Variants in MYRIP observed in about 807,000 individuals in gnomAD.
MYRIP encodes myosin VIIA and Rab interacting protein.
In MYRIP, 49 loss-of-function variants were observed where a neutral mutation model predicts 98.0. That is an observed-to-expected ratio of 0.50 (90% CI 0.40 to 0.63). MYRIP has a LOEUF of 0.63. Among genes scored for constraint, MYRIP ranks in the 30% least tolerant of loss-of-function variants. The probability of loss-of-function intolerance (pLI) is 0.00; values close to 1 mark genes in which losing one functional copy is unlikely to be tolerated. For missense variants in MYRIP, 1,004 were observed against 1,058.2 expected, an observed-to-expected ratio of 0.95 and a Z score of 0.71; for synonymous variants, 404 against 409.5, an observed-to-expected ratio of 0.99 and a Z score of 0.16.
chr3:40,049,006 T>G (rs1242366660), intron 3 of MYRIP, among the ~76,000 whole-genome samples: 1 of 152,188 alleles, frequency 6.6e-6, no homozygotes. Flanking sequence ...TAAGGTCTTC[T>G]TCAGGAAGCA....
intron 11 of MYRIP, among the ~76,000 whole-genome samples, chr3:40,231,824 C>T (rs1403116497): frequency 3.3e-5 from 5 of 152,170 alleles, no homozygotes; most frequent in Non-Finnish European, 7.4e-5. Context: ...TCTGCAAAGG[C>T]ACTGTGTCTA....
At position 39,869,361 on chromosome 3, in the gene MYRIP, T is replaced by A. The variant is rs529076982; in HGVS notation, c.-30-31426T>A. 1.5e-3 allele frequency among the ~76,000 whole-genome samples: 227 copies of A among 152,340 alleles called. 1 individual carries two copies. Among genetic ancestry groups the A allele is most frequent in the East Asian group, 1.3e-3 (7 of 5,186 alleles). On this transcript the variant is annotated intron_variant, in intron 1 of 16. Coordinates refer to ENST00000302541, the MANE Select transcript of MYRIP (RefSeq NM_015460.4). ...TGTTGAGCCCTTCTAGTGATTTTTT[T>A]AAAATTAGTTGTTGCACTTTTCAAC...
chr3:40,158,866 CT>C (rs1950309028), intron 4 of MYRIP, among the ~76,000 whole-genome samples: 4 of 150,680 alleles, frequency 2.7e-5, no homozygotes. Context: ...TTCCTCCATC[CT>C]TTTATTTTGA....
chr3:40,146,473 TA>T (rs1161366804), intron 3 of MYRIP, among the ~76,000 whole-genome samples: 1 of 152,146 alleles, frequency 6.6e-6, no homozygotes, highest in Non-Finnish European at 1.5e-5. Context: ...AGTAACAATT[TA>T]AAAGGGGCAC....
chr3:40,095,336 T>A (rs1433439029), intron 3 of MYRIP, among the ~76,000 whole-genome samples: 1 of 151,966 alleles, frequency 6.6e-6, no homozygotes, highest in Non-Finnish European at 1.5e-5. Context: ...AGAGGGTGAG[T>A]CCGCTTCTAG....
At chr3:40,216,911 A>G (rs1952138137) in intron 11 of MYRIP, among the ~76,000 whole-genome samples, 1 of 152,218 alleles carries the variant, frequency 6.6e-6, no homozygotes, top group South Asian at 2.1e-4. Flanking sequence ...GCTTTTACAT[A>G]AATGTGTATT....
In MYRIP at chr3:40,251,863, C is replaced by A; in HGVS notation, c.2429-18C>A. 6.5e-7 allele frequency: 1 copy of A among 1,528,818 alleles called. No homozygotes were observed. Among genetic ancestry groups the A allele is most frequent in the Non-Finnish European group, 9.1e-7 (1 of 1,103,848 alleles). 94.7% of individuals were successfully genotyped at this position (1,528,818 alleles called of 1,614,324 possible). A position where few individuals can be genotyped will look rare whatever the true frequency, so the allele number is the denominator to read the frequency against. On this transcript the variant is annotated intron_variant, in intron 15 of 16. Coordinates refer to ENST00000302541, the MANE Select transcript of MYRIP (RefSeq NM_015460.4). The stretch of plus-strand genomic sequence containing the variant: ...TCCATCTTCTGGGTAACATTTTTTC[C>A]CATTTATTTCCTTTTAGCTGAAAAA...
intron 3 of MYRIP, among the ~76,000 whole-genome samples, chr3:40,085,282 C>T (rs1400742510): frequency 6.6e-6 from 1 of 151,934 alleles, no homozygotes; most frequent in Non-Finnish European, 1.5e-5. Context: ...CACACACATA[C>T]ATATATTTCG....
chr3:40,118,027 AAAAG>A (rs1949320005), intron 3 of MYRIP, among the ~76,000 whole-genome samples: 1 of 143,926 alleles, frequency 6.9e-6, no homozygotes, highest in African/African-American at 2.5e-5. Flanking sequence ...ATCCAAAACA[AAAAG>A]CCCAAAACCT....
At chr3:40,145,344 TGAA>T (rs1234352012) in intron 3 of MYRIP, among the ~76,000 whole-genome samples, 2 of 152,252 alleles carry the variant, frequency 1.3e-5, no homozygotes, top group Non-Finnish European at 2.9e-5. Context: ...GATTTTATGA[TGAA>T]GTTTTATGGG....
chr3:40,017,693 C>CT (rs904657247), intron 2 of MYRIP, among the ~76,000 whole-genome samples: 10,611 of 114,914 alleles, frequency 0.092, 635 homozygotes, highest in African/African-American at 0.14. Flanking sequence ...TAATTTACTT[C>CT]TTTTTTTTTT....
chr3:40,035,601 A>G (rs950583912), intron 2 of MYRIP, among the ~76,000 whole-genome samples: 32 of 152,034 alleles, frequency 2.1e-4, no homozygotes, highest in African/African-American at 6.8e-4. Context: ...TATATTTACA[A>G]TTATTTTTAG....
intron 3 of MYRIP, among the ~76,000 whole-genome samples, chr3:40,138,798 G>A (rs779585566): frequency 2.0e-5 from 3 of 152,178 alleles, no homozygotes; most frequent in Admixed American, 2.0e-4. Flanking sequence ...GCCATGTCAA[G>A]TATAGCTACT....
At chr3:40,009,730 T>A (rs981426035) in intron 2 of MYRIP, among the ~76,000 whole-genome samples, 3 of 152,162 alleles carry the variant, frequency 2.0e-5, no homozygotes, top group Non-Finnish European at 4.4e-5. Flanking sequence ...GTGGTTCCAT[T>A]AAATGGTCAC....
chr3:40,144,434 G>A (rs765309248), intron 3 of MYRIP, among the ~76,000 whole-genome samples: 2 of 152,180 alleles, frequency 1.3e-5, no homozygotes, highest in Non-Finnish European at 2.9e-5. Context: ...TGGAGAGGGA[G>A]GGAGGAGTGT....
intron 12 of MYRIP, among the ~76,000 whole-genome samples, chr3:40,239,719 C>T (rs1952938124): frequency 6.7e-6 from 1 of 148,960 alleles, no homozygotes; most frequent in African/African-American, 2.5e-5. Flanking sequence ...TGAGAAGTGT[C>T]TGTTCATGTC....
intron 2 of MYRIP, among the ~76,000 whole-genome samples, chr3:40,040,981 T>TAAA (rs201195237): frequency 3.0e-4 from 9 of 29,572 alleles, no homozygotes; most frequent in African/African-American, 7.4e-4. Context: ...TAGAGTATAA[T>TAAA]AAAAAAAAAA....
At chr3:40,038,034 T>A (rs909935364) in intron 2 of MYRIP, among the ~76,000 whole-genome samples, 2 of 152,056 alleles carry the variant, frequency 1.3e-5, no homozygotes, top group African/African-American at 4.8e-5. Flanking sequence ...TTCAAACACA[T>A]ATGGGGCTTT....
At chr3:39,854,008 G>T (rs1234429588) in intron 1 of MYRIP, among the ~76,000 whole-genome samples, 1 of 152,104 alleles carries the variant, frequency 6.6e-6, no homozygotes, top group Non-Finnish European at 1.5e-5. Flanking sequence ...GTTGAATAGG[G>T]TGTCCTTTCC....
Sources: gnomAD v4.1 joint callset for allele counts (sites outside exome capture counted in the v4.1 genomes callset) on GRCh38, gnomAD v4.1.1 for gene constraint, MANE v1.5 for transcripts, NCBI Gene and HGNC (gene_info 2026-07-23, HGNC 2026-07-21) for gene names.